Variants in UGT2B11 observed in about 807,000 individuals in gnomAD.
UGT2B11 encodes UDP-glucuronosyltransferase 2B11.
A neutral mutation model predicts 51.7 loss-of-function variants in UGT2B11; 49 were observed. That is an observed-to-expected ratio of 0.95 (90% CI 0.75 to 1.20). The LOEUF (loss-of-function observed/expected upper bound fraction) is 1.20, where lower values mean the gene tolerates loss of function less well. Among genes scored for constraint, UGT2B11 ranks in the 50% most tolerant of loss-of-function variants. The probability of loss-of-function intolerance (pLI) is 0.00; values close to 1 mark genes in which losing one functional copy is unlikely to be tolerated. For missense variants in UGT2B11, 810 were observed against 622.1 expected (o/e 1.30, Z -3.21); for synonymous variants, 273 against 209.0 (o/e 1.31, Z -2.64).
chr4:69,210,386 A>C (rs192122875), intron 2 of UGT2B11, among the ~76,000 whole-genome samples: 379 of 151,736 alleles, frequency 2.5e-3, no homozygotes, highest in African/African-American at 8.6e-3. Flanking sequence ...CAAGTGTCTT[A>C]TTCTCTTAAA....
intron 1 of UGT2B11, among the ~76,000 whole-genome samples, chr4:69,213,465 A>G (rs1722149904): frequency 6.6e-6 from 1 of 151,770 alleles, no homozygotes; most frequent in Non-Finnish European, 1.5e-5. Flanking sequence ...TAGAAATATT[A>G]GAAACTTCAA....
chr4:69,216,965 A>T (rs544567073), upstream of UGT2B11, among the ~76,000 whole-genome samples: 1 of 151,956 alleles, frequency 6.6e-6, no homozygotes, highest in Non-Finnish European at 1.5e-5. Flanking sequence ...TTCTCTATGT[A>T]TTTTCACAAT....
the UGT2B11 span, among the ~76,000 whole-genome samples, chr4:69,224,349 A>G: frequency 6.6e-6 from 1 of 152,124 alleles, no homozygotes; most frequent in Admixed American, 6.5e-5. Flanking sequence ...ATGTCTGCTG[A>G]TAACTCCCAG....
chr4:69,212,371 C>T (rs1163258965), intron 2 of UGT2B11, among the ~76,000 whole-genome samples: 1 of 151,490 alleles, frequency 6.6e-6, no homozygotes, highest in Non-Finnish European at 1.5e-5. Flanking sequence ...CCTTACTATT[C>T]CTCTCTATTT....
chr4:69,213,884 AT>A (rs1426906427), intron 1 of UGT2B11, 117 bp downstream of exon 1: 1 of 1,349,718 alleles, frequency 7.4e-7, no homozygotes, highest in East Asian at 2.5e-5. Context: ...TTGTATTTTC[AT>A]TTCATAAATT....
In UGT2B11 at chr4:69,200,364, A is replaced by G. The variant is rs1416967087; in HGVS notation, c.*76T>C. The G allele has an allele frequency of 2.2e-6, 3 of 1,351,468 alleles. No individual in the cohort carries two copies. The highest frequency in any genetic ancestry group is 2.8e-5 in the Admixed American group (1 of 35,994). 83.7% of individuals were successfully genotyped at this position (1,351,468 alleles called of 1,614,324 possible). A position where few individuals can be genotyped will look rare whatever the true frequency, so the allele number is the denominator to read the frequency against. ...CAGGAAGAAAGAAATCTTGCATAAC[A>G]ATCTTTTCTTTCTTGCTGGAATAAA... On this transcript the variant is annotated 3_prime_UTR_variant, in exon 6 of 6. Coordinates refer to ENST00000446444, the MANE Select transcript of UGT2B11 (RefSeq NM_001073.3).
chr4:69,211,707 C>G (rs548508696), intron 2 of UGT2B11, among the ~76,000 whole-genome samples: 13 of 151,520 alleles, frequency 8.6e-5, no homozygotes, highest in Non-Finnish European at 1.5e-4. Context: ...TTTCCATCAT[C>G]TGTTACCTGA....
chr4:69,204,460 T>G lies in UGT2B11; in HGVS notation c.1280A>C (p.Asn427Thr). ...ATCATTAATTACTGTCTTCAGTGCA[T>G]TCAGCAGGTCTGTACTCGACATTGT... Reference protein sequence around the residue: ...FNTMSSTDLLNALKTVINDPL... With the variant: ...FNTMSSTDLLTALKTVINDPL... Residue 427 changes from asparagine (N) to threonine (T), a missense_variant, in exon 5 of 6, where the codon AAT becomes ACT. Asn to Thr is a moderately conservative substitution (Grantham distance 65). Transcript: ENST00000446444. The G allele has an allele frequency of 6.2e-7, 1 of 1,611,994 alleles. No homozygotes were observed. The highest frequency in any genetic ancestry group is 8.5e-7 in the Non-Finnish European group (1 of 1,178,610).
intron 2 of UGT2B11, among the ~76,000 whole-genome samples, chr4:69,211,306 A>G (rs1437714738): frequency 2.6e-5 from 4 of 151,522 alleles, no homozygotes; most frequent in Non-Finnish European, 5.9e-5. Context: ...ACTGGTGAAG[A>G]TCCTTGTTAC....
In UGT2B11 at chr4:69,204,204, T is replaced by G. The variant is rs537415706; in HGVS notation, c.1310+226A>C. 6.4e-6 allele frequency: 3 copies of G among 466,508 alleles called. No individual in the cohort carries two copies. In the East Asian group the frequency reaches 1.2e-4, roughly 18 times the overall value. 28.9% of individuals were successfully genotyped at this position (466,508 alleles called of 1,614,324 possible). A position where few individuals can be genotyped will look rare whatever the true frequency, so the allele number is the denominator to read the frequency against. ...TATTATCTATATCATTTTAAAATTA[T>G]TTTTGTTTAGAAAATTGCTTCACTA... On this transcript the variant is annotated intron_variant, in intron 5 of 5. Coordinates refer to ENST00000446444, the MANE Select transcript of UGT2B11 (RefSeq NM_001073.3).
At chr4:69,206,391 C>T (rs1721856223) in intron 3 of UGT2B11, among the ~76,000 whole-genome samples, 1 of 151,650 alleles carries the variant, frequency 6.6e-6, no homozygotes, top group South Asian at 2.1e-4. Flanking sequence ...CCAAATGTGA[C>T]ATGTCCTCAC....
chr4:69,224,221 G>A, the UGT2B11 span, among the ~76,000 whole-genome samples: 19 of 152,238 alleles, frequency 1.2e-4, no homozygotes, highest in African/African-American at 4.1e-4. Flanking sequence ...TCTGGCCGGC[G>A]GACATTAGGA....
rs774908234 is a variant in UGT2B11 at position 69,200,697 on chromosome 4, A to C, written c.1333T>G (p.Leu445Val). Residue 445 changes from leucine (L) to valine (V), a missense_variant, in exon 6 of 6, where the codon TTA (leucine) becomes GTA (valine). Transcript: ENST00000446444. ...DPLYKENIMK[L>V]SRIQHDQPVK... ...GGTTGATCATGTTGAATTCTTGATA[A>C]TTTCATAATATTCTCTTTATATCTG... is the stretch of plus-strand genomic sequence containing the variant. 2.7e-5 allele frequency: 44 copies of C among 1,610,934 alleles called. No individual in the cohort carries two copies. Among genetic ancestry groups the C allele is most frequent in the Non-Finnish European group, 3.6e-5 (42 of 1,178,474 alleles).
At chr4:69,205,915 C>A (rs1721837419) in intron 3 of UGT2B11, among the ~76,000 whole-genome samples, 1 of 151,474 alleles carries the variant, frequency 6.6e-6, no homozygotes, top group African/African-American at 2.4e-5. Context: ...AAATCAAAAC[C>A]ATAATGAGAT....
At position 69,207,034 on chromosome 4, in the gene UGT2B11, C is replaced by G. The variant is rs574667563; in HGVS notation, c.1002+1317G>C. Among the ~76,000 whole-genome samples, 209 of 151,598 alleles carry G rather than the reference C, an allele frequency of 1.4e-3. 1 individual carries two copies. Among genetic ancestry groups the G allele is most frequent in the African/African-American group, 4.9e-3 (204 of 41,436 alleles). Reference sequence around the variant, plus strand: ...AAATTTCAAGCGACAATTTTTGACACAAATTCAGAATATTACCATTATTGT... The same window carrying G: ...AAATTTCAAGCGACAATTTTTGACAGAAATTCAGAATATTACCATTATTGT... On this transcript the variant is annotated intron_variant, in intron 3 of 5. Coordinates refer to ENST00000446444, the MANE Select transcript of UGT2B11 (RefSeq NM_001073.3).
At chr4:69,206,295 TA>T (rs71204079) in intron 3 of UGT2B11, among the ~76,000 whole-genome samples, 58,753 of 151,082 alleles carry the variant, frequency 0.39, 12,038 homozygotes, top group Non-Finnish European at 0.47. Context: ...TATGCAGCCA[TA>T]AAAAAAACAA....
Position 69,200,601 on chromosome 4 carries a change from G to C in UGT2B11, c.1429C>G (p.Arg477Gly). The change falls in exon 6 of 6, where the codon CGA becomes GGA. Residue 477 changes from arginine to glycine, a missense_variant. Arg to Gly is a moderately radical substitution (Grantham distance 125). Coordinates refer to ENST00000446444, the MANE Select transcript of UGT2B11 (RefSeq NM_001073.3). ...CAGGTGAGGTCATGGGCTGCAACTC[G>C]AAGGTGTTTGGCTCCTTTGTGGGGC... ...VMPHKGAKHLRVAAHDLTWFQ... is the reference protein window; with the variant it reads ...VMPHKGAKHLGVAAHDLTWFQ... 2 of 1,612,228 alleles carry C rather than the reference G, an allele frequency of 1.2e-6. No homozygotes were observed. Among genetic ancestry groups the C allele is most frequent in the Non-Finnish European group, 1.7e-6 (2 of 1,178,922 alleles).
At chr4:69,212,531 A>G in intron 2 of UGT2B11, 42 bp downstream of exon 2, 2 of 1,588,744 alleles carry the variant, frequency 1.3e-6, no homozygotes, top group Non-Finnish European at 1.7e-6. Flanking sequence ...TTCTACTGAA[A>G]CTTCGAAGCC....
chr4:69,210,667 TTC>T (rs1230970565), intron 2 of UGT2B11, among the ~76,000 whole-genome samples: 19 of 151,710 alleles, frequency 1.3e-4, no homozygotes, highest in African/African-American at 3.9e-4. Context: ...GGGGAAATCT[TTC>T]AAGAGTAATG....
Sources: allele counts gnomAD v4.1 joint callset (sites outside exome capture counted in the v4.1 genomes callset), GRCh38; gene constraint gnomAD v4.1.1; transcripts MANE v1.5; gene names NCBI Gene and HGNC (gene_info 2026-07-23, HGNC 2026-07-21).